Variants in ADCK1 observed in about 807,000 individuals in gnomAD.
The protein encoded by ADCK1 is aarF domain-containing protein kinase 1.
ADCK1 carries 41 observed loss-of-function variants against 52.3 expected under a neutral mutation model. The ratio of observed to expected loss-of-function variants is 0.78; its 90% CI spans 0.61 to 1.02. The LOEUF is 1.02. Ranked by LOEUF, ADCK1 falls within the 50% of genes least tolerant of loss-of-function variation. The probability of loss-of-function intolerance (pLI) is 0.00; values close to 1 mark genes in which losing one functional copy is unlikely to be tolerated. For synonymous variants in ADCK1, 250 were observed against 274.6 expected (o/e 0.91, Z 0.89); for missense variants, 658 against 679.5 (o/e 0.97, Z 0.35).
At chr14:77,871,365 C>CT (rs369449647) in intron 4 of ADCK1, among the ~76,000 whole-genome samples, 334 of 149,434 alleles carry the variant, frequency 2.2e-3, no homozygotes, top group African/African-American at 7.4e-3. Context: ...CTAACTTCTT[C>CT]TTTTTTTTTT....
intron 10 of ADCK1, among the ~76,000 whole-genome samples, chr14:77,932,400 G>A (rs2084363001): frequency 6.6e-6 from 1 of 152,172 alleles, no homozygotes; most frequent in East Asian, 1.9e-4. Context: ...AGGAAGAGAA[G>A]TGTGCTTCCT....
chr14:77,812,318 G>A (rs562101318), intron 1 of ADCK1, among the ~76,000 whole-genome samples: 12 of 152,086 alleles, frequency 7.9e-5, no homozygotes, highest in Non-Finnish European at 1.0e-4. Flanking sequence ...GGTAACCACC[G>A]TTCTAACCTC....
chr14:77,825,174 A>C (rs888151462), intron 3 of ADCK1, among the ~76,000 whole-genome samples: 1 of 152,112 alleles, frequency 6.6e-6, no homozygotes, highest in Non-Finnish European at 1.5e-5. Context: ...TTTTTAGACT[A>C]TCTGTTCCTT....
In ADCK1 at chr14:77,813,555, C is replaced by T. The variant is rs181139940; in HGVS notation, c.-11-5413C>T. Among the ~76,000 whole-genome samples, 744 of 152,154 alleles carry T rather than the reference C, an allele frequency of 4.9e-3. 6 individuals carry two copies. The highest frequency in any genetic ancestry group is 0.017 in the African/African-American group (711 of 41,512). On this transcript the variant is annotated intron_variant, in intron 1 of 10. Coordinates refer to ENST00000238561, the MANE Select transcript of ADCK1 (RefSeq NM_020421.4). ...CAAACTCCTGACCTTGTGATCTGCC[C>T]GCCTTGGCGTCCCAAAGTGCTGGGA...
intron 3 of ADCK1, among the ~76,000 whole-genome samples, chr14:77,849,170 G>T (rs555792358): frequency 1.2e-4 from 19 of 152,238 alleles, no homozygotes; most frequent in South Asian, 4.2e-4. Context: ...AAACTCCTTG[G>T]CTCAGGGGAT....
In ADCK1 at chr14:77,933,506, T is replaced by C; in HGVS notation, c.*115T>C. On this transcript the variant is annotated 3_prime_UTR_variant, in exon 11 of 11. Coordinates refer to ENST00000238561, the MANE Select transcript of ADCK1 (RefSeq NM_020421.4). Reference sequence around the variant, plus strand: ...TCGTGGCCCGCAGCCCCAGAGTCACTGTCCATGTCACCATCCTTCTCCTCC... The same window carrying C: ...TCGTGGCCCGCAGCCCCAGAGTCACCGTCCATGTCACCATCCTTCTCCTCC... The C allele has an allele frequency of 3.1e-6, 4 of 1,300,738 alleles. No individual in the cohort carries two copies. The highest frequency in any genetic ancestry group is 2.3e-5 in the East Asian group (1 of 42,946). The allele number at this position is 1,300,738 out of a possible 1,614,324, so 80.6% of individuals were successfully genotyped here. A position where few individuals can be genotyped will look rare whatever the true frequency, so the allele number is the denominator to read the frequency against.
At chr14:77,829,754 A>G (rs1326589143) in intron 3 of ADCK1, among the ~76,000 whole-genome samples, 1 of 151,092 alleles carries the variant, frequency 6.6e-6, no homozygotes, top group African/African-American at 2.4e-5. Context: ...ACTCTCTTAC[A>G]CTCTAAAATA....
At position 77,885,248 on chromosome 14, in the gene ADCK1, AG is replaced by A. The variant is rs540186611; in HGVS notation, c.424-1840del. On this transcript the variant is annotated intron_variant, in intron 4 of 10. Coordinates refer to ENST00000238561, the MANE Select transcript of ADCK1 (RefSeq NM_020421.4). ...ACTCAGGGTGATTGGGTGGATGACA[AG>A]GGAAGAATTTTGCTATTGGGAGTCT... Among the ~76,000 whole-genome samples the A allele has an allele frequency of 2.2e-4, 34 of 152,328 alleles. No individual in the cohort carries two copies. In the East Asian group the frequency reaches 6.6e-3, roughly 29 times the overall value.
At chr14:77,925,669 A>T (rs28545798) in intron 8 of ADCK1, 95 bp from the exon 9 acceptor site, 102,169 of 1,248,982 alleles carry the variant, frequency 0.082, 4,778 homozygotes, top group African/African-American at 0.12. Context: ...CACAGTCCTC[A>T]CCGTCGTCTT....
intron 3 of ADCK1, among the ~76,000 whole-genome samples, chr14:77,848,190 C>G (rs1246590275): frequency 6.6e-6 from 1 of 152,192 alleles, no homozygotes; most frequent in Non-Finnish European, 1.5e-5. Flanking sequence ...CAGGCATGAG[C>G]CCCGGCCTGG....
At chr14:77,893,266 G>A (rs563135806) in intron 5 of ADCK1, among the ~76,000 whole-genome samples, 8 of 152,250 alleles carry the variant, frequency 5.3e-5, no homozygotes, top group Middle Eastern at 3.4e-3. Flanking sequence ...TAGTCCATCC[G>A]TCTGCTGGCG....
chr14:77,822,509 G>C lies in ADCK1; in HGVS notation c.210G>C (p.Leu70=). 1.2e-6 allele frequency: 2 copies of C among 1,613,620 alleles called. No homozygotes were observed. The highest frequency in any genetic ancestry group is 1.7e-6 in the Non-Finnish European group (2 of 1,179,526). ...VPYGSEEYLQ[L]RSKVHLRSAR... ...ATGGCTCAGAGGAGTACTTGCAGCT[G>C]AGATCTAAGGTAAGTAACCCATGGG... is the stretch of plus-strand genomic sequence containing the variant. The change falls in exon 3 of 11, where the codon CTG becomes CTC. Residue 70 remains leucine, a synonymous_variant. Transcript: ENST00000238561.
intron 3 of ADCK1, among the ~76,000 whole-genome samples, chr14:77,852,704 T>TATATATATATATATATA (rs2082325559): frequency 7.5e-5 from 9 of 120,524 alleles, no homozygotes; most frequent in African/African-American, 2.8e-4. Flanking sequence ...TATATATATA[T>TATATATATATATATATA]TTCACTCCTC....
chr14:77,907,962 C>T (rs1353990870), intron 7 of ADCK1, 43 bp downstream of exon 7: 2 of 1,578,018 alleles, frequency 1.3e-6, no homozygotes, highest in Non-Finnish European at 1.7e-6. Context: ...GGAACGTGGG[C>T]TTGGTCAAGG....
rs1448400854 is a variant in ADCK1 at position 77,819,005 on chromosome 14, T to G, written c.27T>G (p.Ala9=). MARKALKL[A]SWTSMALAAS... ...TGGCCAGAAAGGCTCTCAAGCTTGC[T>G]TCGTGGACCAGCATGGCTCTTGCTG... The change falls in exon 2 of 11, where the codon GCT becomes GCG. Residue 9 remains alanine, a synonymous_variant. Transcript: ENST00000238561. 6.2e-7 allele frequency: 1 copy of G among 1,614,238 alleles called. No individual in the cohort carries two copies. Among genetic ancestry groups the G allele is most frequent in the Admixed American group, 1.7e-5 (1 of 60,020 alleles).
intron 10 of ADCK1, 75 bp from the exon 11 acceptor site, chr14:77,933,145 T>C (rs1483380615): frequency 6.7e-7 from 1 of 1,503,682 alleles, no homozygotes; most frequent in African/African-American, 1.4e-5. Context: ...CCATCTTTAG[T>C]TTTTCTAAAT....
chr14:77,910,660 C>T (rs986640176), intron 7 of ADCK1, among the ~76,000 whole-genome samples: 3 of 152,180 alleles, frequency 2.0e-5, no homozygotes, highest in African/African-American at 7.2e-5. Flanking sequence ...GAGCCCAGAG[C>T]CGTAATGGTG....
At chr14:77,893,726 T>TTCCG in intron 5 of ADCK1, among the ~76,000 whole-genome samples, 1 of 107,672 alleles carries the variant, frequency 9.3e-6, no homozygotes, top group Non-Finnish European at 1.9e-5. Context: ...GTTTCTTCCC[T>TTCCG]TCCTTCCTTC....
At chr14:77,816,881 A>AAAAT (rs150077207) in intron 1 of ADCK1, among the ~76,000 whole-genome samples, 7 of 110,026 alleles carry the variant, frequency 6.4e-5, no homozygotes, top group African/African-American at 2.0e-4. Flanking sequence ...GTAGATGGTA[A>AAAAT]ATATATATAT....
Sources: allele counts gnomAD v4.1 joint callset (sites outside exome capture counted in the v4.1 genomes callset), GRCh38; gene constraint gnomAD v4.1.1; transcripts MANE v1.5; gene names NCBI Gene and HGNC (gene_info 2026-07-23, HGNC 2026-07-21).